ERICH3: variants seen among roughly 807,000 people sequenced by gnomAD.
The protein encoded by ERICH3 is glutamate rich 3.
In ERICH3, 126 loss-of-function variants were observed where a neutral mutation model predicts 131.1. The ratio of observed to expected loss-of-function variants is 0.96; its 90% CI spans 0.83 to 1.11. The LOEUF (loss-of-function observed/expected upper bound fraction) is 1.11. ERICH3 is among the 50% of genes most tolerant of loss of function. The probability of loss-of-function intolerance (pLI) is 0.00; values close to 1 mark genes in which losing one functional copy is unlikely to be tolerated. For synonymous variants in ERICH3, 695 were observed against 644.6 expected (o/e 1.08, Z -1.18); for missense variants, 2,050 against 1,810.7 (o/e 1.13, Z -2.40).
At chr1:74,609,833 T>G (rs1313331821) in intron 9 of ERICH3, among the ~76,000 whole-genome samples, 2 of 152,076 alleles carry the variant, frequency 1.3e-5, no homozygotes, top group Non-Finnish European at 2.9e-5. Flanking sequence ...TTTGATATTA[T>G]TATTTGAAAA....
At chr1:74,623,313 G>C (rs1458418658) in intron 7 of ERICH3, 6 of 152,178 alleles carry the variant, frequency 3.9e-5, no homozygotes, top group Non-Finnish European at 8.8e-5. Context: ...AGCCCATTGA[G>C]TGGTTAACCC....
rs770359920 is a variant in ERICH3, at chr1:74,571,855, G to C, written c.3855C>G (p.Phe1285Leu). 3 of 1,611,998 alleles carry C rather than the reference G, an allele frequency of 1.9e-6. No individual in the cohort carries two copies. Among genetic ancestry groups the C allele is most frequent in the Non-Finnish European group, 2.5e-6 (3 of 1,180,020 alleles). Residue 1285 changes from phenylalanine (F) to leucine (L), a missense_variant, in exon 14 of 15, where the codon TTC becomes TTG. By Grantham distance (22) the Phe-to-Leu change is conservative. Transcript: ENST00000326665. The stretch of plus-strand genomic sequence containing the variant: ...GGTCCTCATCCACCGCTTCCTCCCT[G>C]AACTTTTCTGCCATTATGGGATCTT... ...AEEDPIMAEK[F>L]REEAVDEDPE...
At chr1:74,659,570 A>G (rs1003033897) in intron 1 of ERICH3, among the ~76,000 whole-genome samples, 1 of 152,212 alleles carries the variant, frequency 6.6e-6, no homozygotes, top group Non-Finnish European at 1.5e-5. Context: ...ACACAGCTGC[A>G]TAAGCACAGT....
chr1:74,570,634 A>C (rs1158648684), intron 14 of ERICH3, among the ~76,000 whole-genome samples, 195 bp from the exon 15 acceptor site: 1 of 152,228 alleles, frequency 6.6e-6, no homozygotes. Flanking sequence ...ATATGTAAAA[A>C]CTTTGCGAAA....
At chr1:74,647,264 T>A (rs1646494092) in intron 2 of ERICH3, among the ~76,000 whole-genome samples, 1 of 152,054 alleles carries the variant, frequency 6.6e-6, no homozygotes, top group African/African-American at 2.4e-5. Flanking sequence ...GGTACTACTT[T>A]GAAAAAATGA....
intron 11 of ERICH3, among the ~76,000 whole-genome samples, chr1:74,598,222 T>C (rs1173384350): frequency 6.6e-6 from 1 of 151,946 alleles, no homozygotes; most frequent in African/African-American, 2.4e-5. Context: ...ATTCAACTTA[T>C]GCTAAAAGTG....
At chr1:74,672,166 A>G (rs1017032869) in intron 1 of ERICH3, among the ~76,000 whole-genome samples, 21 of 152,236 alleles carry the variant, frequency 1.4e-4, no homozygotes, top group Non-Finnish European at 2.2e-4. Context: ...CTTGAAAAAC[A>G]TAGGAAGACA....
chr1:74,617,053 A>T (rs1434500891), intron 8 of ERICH3, among the ~76,000 whole-genome samples: 1 of 152,184 alleles, frequency 6.6e-6, no homozygotes, highest in Non-Finnish European at 1.5e-5. Context: ...CAGACTAAAA[A>T]ATAGCAATAT....
chr1:74,632,168 A>G (rs1646345619), intron 6 of ERICH3, among the ~76,000 whole-genome samples: 1 of 152,138 alleles, frequency 6.6e-6, no homozygotes, highest in African/African-American at 2.4e-5. Context: ...ACACTTTTAT[A>G]GTACTTTTGG....
intron 1 of ERICH3, among the ~76,000 whole-genome samples, chr1:74,660,813 G>T (rs1206919645): frequency 6.6e-6 from 1 of 151,730 alleles, no homozygotes; most frequent in African/African-American, 2.4e-5. Flanking sequence ...CCTAATGGCT[G>T]TCAGTGATTT....
Position 74,673,562 on chromosome 1 carries a change from T to A in ERICH3, c.-43A>T, listed in dbSNP as rs776394368. On this transcript the variant is annotated 5_prime_UTR_variant, in exon 1 of 15. Transcript: ENST00000326665. ...TGGACCCCGCGGCAGGTGCGGAGGG[T>A]GGGTGCGTGGGGCCCCGTGCGCGCT... 6.2e-7 allele frequency: 1 copy of A among 1,603,374 alleles called. No homozygotes were observed. Among genetic ancestry groups the A allele is most frequent in the Non-Finnish European group, 8.5e-7 (1 of 1,175,398 alleles).
At position 74,573,131 on chromosome 1, in the gene ERICH3, C is replaced by T. The variant is rs779315737; in HGVS notation, c.2579G>A (p.Gly860Glu). 3 of 1,613,708 alleles carry T rather than the reference C, an allele frequency of 1.9e-6. No individual in the cohort carries two copies. Among genetic ancestry groups the T allele is most frequent in the South Asian group, 2.2e-5 (2 of 90,976 alleles). Residue 860 changes from glycine (G) to glutamate (E), a missense_variant, in exon 14 of 15, where the codon GGA (glycine) becomes GAA (glutamate). Transcript: ENST00000326665. Reference protein sequence around the residue: ...RLGEGGSDPIGQAAAKDAVGL... With the variant: ...RLGEGGSDPIEQAAAKDAVGL... ...CACAGCATCTTTTGCTGCTGCTTGT[C>T]CTATGGGGTCTGACCCCCCTTCACC...
chr1:74,662,344 A>C (rs866594825), intron 1 of ERICH3, among the ~76,000 whole-genome samples: 1 of 152,174 alleles, frequency 6.6e-6, no homozygotes, highest in Admixed American at 6.6e-5. Flanking sequence ...AAAGGAAAGA[A>C]GAACTATGGG....
chr1:74,629,996 G>GACCA (rs2100621639), intron 7 of ERICH3, among the ~76,000 whole-genome samples: 1 of 152,260 alleles, frequency 6.6e-6, no homozygotes, highest in South Asian at 2.1e-4. Flanking sequence ...TGAGTGCATG[G>GACCA]TGCTTGCTTG....
upstream of ERICH3, chr1:74,673,876 C>T (rs750109886): frequency 2.0e-5 from 5 of 255,748 alleles, no homozygotes; most frequent in Non-Finnish European, 3.6e-5. Context: ...CCAAGCAAGC[C>T]CCTGCTCTGT....
chr1:74,673,414 C>T, intron 1 of ERICH3, 83 bp downstream of exon 1: 1 of 1,557,122 alleles, frequency 6.4e-7, no homozygotes, highest in East Asian at 2.3e-5. Flanking sequence ...CGCCCCTTCC[C>T]TCCGCAGCAG....
intron 1 of ERICH3, among the ~76,000 whole-genome samples, chr1:74,653,379 G>A (rs1158968766): frequency 6.6e-6 from 1 of 151,960 alleles, no homozygotes; most frequent in Non-Finnish European, 1.5e-5. Context: ...GCACGTGTGT[G>A]TGTGTCTGTG....
chr1:74,576,962 A>C, intron 12 of ERICH3, 26 bp from the exon 13 acceptor site: 1 of 1,580,134 alleles, frequency 6.3e-7, no homozygotes, highest in Non-Finnish European at 8.6e-7. Context: ...AAAAAGAAAA[A>C]AAAGGTCAAA....
intron 8 of ERICH3, among the ~76,000 whole-genome samples, chr1:74,619,756 G>T (rs1026237285): frequency 6.6e-6 from 1 of 152,010 alleles, no homozygotes; most frequent in Non-Finnish European, 1.5e-5. Context: ...AAATGGAAAT[G>T]GAAAAAAACA....
Sources: allele counts gnomAD v4.1 joint callset (sites outside exome capture counted in the v4.1 genomes callset), GRCh38; gene constraint gnomAD v4.1.1; transcripts MANE v1.5; gene names NCBI Gene and HGNC (gene_info 2026-07-23, HGNC 2026-07-21).